The following DHX35 variants were observed in gnomAD, a reference collection of about 807,000 sequenced individuals.
DHX35 encodes the protein DEAH-box helicase 35, also known as probable ATP-dependent RNA helicase DHX35.
In DHX35, 84 loss-of-function variants were observed where a neutral mutation model predicts 99.6. That is an observed-to-expected ratio of 0.84 (90% confidence interval 0.71 to 1.01). The LOEUF (loss-of-function observed/expected upper bound fraction) is 1.01, where lower values mean the gene tolerates loss of function less well. DHX35 is among the 50% of genes least tolerant of loss of function. DHX35 has a pLI of 0.00. For missense variants in DHX35, 852 were observed against 888.5 expected (o/e 0.96, Z 0.52); for synonymous variants, 331 against 316.2 (o/e 1.05, Z -0.50).
intron 19 of DHX35, 179 bp from the exon 20 acceptor site, chr20:39,030,525 T>G (rs1418060206): frequency 3.4e-6 from 2 of 593,956 alleles, no homozygotes; most frequent in African/African-American, 3.7e-5. Context: ...TATTCTTGAC[T>G]TCTGGGGTGG....
chr20:39,004,540 T>G (rs898316582), intron 11 of DHX35, among the ~76,000 whole-genome samples: 22 of 152,216 alleles, frequency 1.4e-4, no homozygotes, highest in African/African-American at 5.3e-4. Context: ...ATAGAAAAAT[T>G]GGTACACATG....
intron 19 of DHX35, chr20:39,029,104 A>G (rs1220169406): frequency 6.6e-6 from 1 of 152,398 alleles, no homozygotes; most frequent in Non-Finnish European, 1.5e-5. Flanking sequence ...CAGTATCATG[A>G]TTCTCCAAAC....
intron 18 of DHX35, among the ~76,000 whole-genome samples, chr20:39,027,827 A>T (rs548889432): frequency 1.4e-4 from 22 of 152,374 alleles, no homozygotes; most frequent in African/African-American, 5.3e-4. Context: ...TAAAAATAAC[A>T]TTAGCCTTTT....
At chr20:38,970,838 C>A (rs1419960452) in intron 2 of DHX35, among the ~76,000 whole-genome samples, 11 of 137,224 alleles carry the variant, frequency 8.0e-5, no homozygotes, top group African/African-American at 1.4e-4. Flanking sequence ...ATAAATGAAA[C>A]AGCAAATGAA....
chr20:38,997,362 C>T (rs1024982214), intron 8 of DHX35, among the ~76,000 whole-genome samples: 7 of 152,268 alleles, frequency 4.6e-5, no homozygotes, highest in African/African-American at 1.7e-4. Flanking sequence ...TGAACCACCA[C>T]GCCTGGCCAG....
At chr20:38,972,014 T>G (rs1162650544) in intron 2 of DHX35, among the ~76,000 whole-genome samples, 2 of 142,934 alleles carry the variant, frequency 1.4e-5, no homozygotes, top group Admixed American at 7.0e-5. Context: ...GTTTTTTTTT[T>G]TTTTTTTTTT....
chr20:38,987,665 T>A (rs1023518424), intron 4 of DHX35, among the ~76,000 whole-genome samples: 1 of 152,254 alleles, frequency 6.6e-6, no homozygotes, highest in Non-Finnish European at 1.5e-5. Context: ...GCAGAGATCT[T>A]GCTGTTGGAT....
At chr20:39,003,305 C>T (rs2086554865) in intron 10 of DHX35, among the ~76,000 whole-genome samples, 1 of 152,170 alleles carries the variant, frequency 6.6e-6, no homozygotes. Context: ...CTGACGGTGG[C>T]CAGCACTATT....
chr20:39,021,583 C>T (rs2086872687), intron 15 of DHX35, among the ~76,000 whole-genome samples: 1 of 151,974 alleles, frequency 6.6e-6, no homozygotes, highest in East Asian at 1.9e-4. Context: ...GCAGCCTTGA[C>T]CTCCCAGCTT....
chr20:38,989,217 C>T lies in DHX35; in HGVS notation c.450+300C>T, dbSNP rs57512267. On this transcript the variant is annotated intron_variant, in intron 5 of 21. Transcript: ENST00000252011. ...GGTTCACGCCATTCTCCTTCCTCAG[C>T]CTCCCGAGTAGCTGGGACTACAGGC... 4.0e-5 allele frequency among the ~76,000 whole-genome samples: 6 copies of T among 150,934 alleles called. No individual in the cohort carries two copies. The East Asian group carries it at 1.2e-3, about 29-fold the overall frequency.
intron 15 of DHX35, among the ~76,000 whole-genome samples, chr20:39,020,689 C>T (rs2086860439): frequency 8.5e-6 from 1 of 117,250 alleles, no homozygotes; most frequent in Non-Finnish European, 1.7e-5. Flanking sequence ...GACAGTGTCT[C>T]ACTCTGTCGC....
At chr20:39,008,775 C>T (rs2086656747) in intron 12 of DHX35, among the ~76,000 whole-genome samples, 1 of 152,240 alleles carries the variant, frequency 6.6e-6, no homozygotes, top group Admixed American at 6.5e-5. Context: ...GCATGAGAAA[C>T]GCTTAGATAC....
At chr20:38,999,507 T>A (rs973618498) in intron 8 of DHX35, among the ~76,000 whole-genome samples, 6 of 152,124 alleles carry the variant, frequency 3.9e-5, no homozygotes, top group African/African-American at 1.4e-4. Context: ...ACTCTCTGAT[T>A]CTCCATCTCA....
chr20:38,965,294 C>A (rs1184548859), intron 1 of DHX35, among the ~76,000 whole-genome samples: 2 of 152,178 alleles, frequency 1.3e-5, no homozygotes, highest in African/African-American at 2.4e-5. Flanking sequence ...CAGTAATACT[C>A]TTATTTTAGT....
At chr20:38,993,069 C>G (rs1352748111) in intron 7 of DHX35, among the ~76,000 whole-genome samples, 1 of 152,138 alleles carries the variant, frequency 6.6e-6, no homozygotes, top group African/African-American at 2.4e-5. Context: ...CCCATATTTT[C>G]TGATTGTTTT....
intron 1 of DHX35, among the ~76,000 whole-genome samples, chr20:38,963,335 A>G (rs1033231678): frequency 6.6e-6 from 1 of 152,256 alleles, no homozygotes; most frequent in Non-Finnish European, 1.5e-5. Context: ...CAAAAATGAA[A>G]TGACACCAAG....
chr20:38,988,099 T>A (rs1020950711), intron 4 of DHX35, among the ~76,000 whole-genome samples: 4 of 152,226 alleles, frequency 2.6e-5, no homozygotes, highest in African/African-American at 9.6e-5. Flanking sequence ...GTGAATCTTG[T>A]CATTTCTTTT....
intron 1 of DHX35, among the ~76,000 whole-genome samples, chr20:38,965,441 C>CT (rs1026306512): frequency 4.6e-5 from 7 of 152,172 alleles, no homozygotes; most frequent in African/African-American, 1.2e-4. Flanking sequence ...TTCAGACAGT[C>CT]TAAGTGAGTG....
chr20:38,994,498 G>A (rs1467636951), intron 7 of DHX35, among the ~76,000 whole-genome samples: 1 of 151,532 alleles, frequency 6.6e-6, no homozygotes, highest in African/African-American at 2.4e-5. Flanking sequence ...AGACCCAGGT[G>A]TCAGGAAAAA....
Sources: allele counts gnomAD v4.1 joint callset (sites outside exome capture counted in the v4.1 genomes callset), GRCh38; gene constraint gnomAD v4.1.1; transcripts MANE v1.5; gene names NCBI Gene and HGNC (gene_info 2026-07-23, HGNC 2026-07-21).